Variants in CUL9 observed in about 807,000 individuals in gnomAD.
CUL9 encodes cullin 9, also known as cullin-9.
In CUL9, 79 loss-of-function variants were observed where a neutral mutation model predicts 272.6. The observed-to-expected ratio is 0.29, with a 90% CI of 0.24 to 0.35. The LOEUF (loss-of-function observed/expected upper bound fraction) is 0.35, where lower values mean the gene tolerates loss of function less well. CUL9 is among the 10% of genes least tolerant of loss of function. CUL9 has a pLI of 1.00. For missense variants in CUL9, 2,532 were observed against 3,255.6 expected, an observed-to-expected ratio of 0.78 and a Z score of 5.41; for synonymous variants, 1,186 against 1,286.5, an observed-to-expected ratio of 0.92 and a Z score of 1.67.
chr6:43,186,920 C>G (rs747950715), intron 4 of CUL9, 40 bp from the exon 5 acceptor site: 1 of 1,607,022 alleles, frequency 6.2e-7, no homozygotes, highest in Non-Finnish European at 8.5e-7. Flanking sequence ...GAGGGTTGAG[C>G]CTTCTCTATT....
chr6:43,196,676 C>G lies in CUL9; in HGVS notation c.2617C>G (p.Leu873Val), dbSNP rs765745493. The G allele has an allele frequency of 6.2e-7, 1 of 1,614,096 alleles. No homozygotes were observed. The highest frequency in any genetic ancestry group is 1.3e-5 in the African/African-American group (1 of 74,934). The change falls in exon 11 of 41, where the codon CTG becomes GTG. Residue 873 changes from leucine to valine, a missense_variant. By Grantham distance (32) the Leu-to-Val change is conservative. Coordinates refer to ENST00000252050, the MANE Select transcript of CUL9 (RefSeq NM_015089.4). ...CSSAARNGLL[L>V]LNLLLCNHHT... ...TTCTGCAGCGAGAAATGGCTTACTC[C>G]TGCTCAACCTACTTTTGTGCAACCA...
chr6:43,188,415 C>G (rs1773119270), intron 7 of CUL9, 108 bp from the exon 8 acceptor site: 1 of 1,107,332 alleles, frequency 9.0e-7, no homozygotes, highest in Admixed American at 2.7e-5. Flanking sequence ...GCTGCAGTAG[C>G]CGATAATGTG....
chr6:43,198,604 T>A lies in CUL9; in HGVS notation c.2804-5T>A. ...CATTTTTCCCTCTGGTGTGTCTGGC[T>A]GCAGCACTAGAGACCCCCATCATCC... On this transcript the variant is annotated splice_region_variant and splice_polypyrimidine_tract_variant and intron_variant, in intron 11 of 40. Coordinates refer to ENST00000252050, the MANE Select transcript of CUL9 (RefSeq NM_015089.4). 2 of 1,614,032 alleles carry A rather than the reference T, an allele frequency of 1.2e-6. No individual in the cohort carries two copies. Among genetic ancestry groups the A allele is most frequent in the Non-Finnish European group, 1.7e-6 (2 of 1,179,900 alleles).
intron 9 of CUL9, 54 bp from the exon 10 acceptor site, chr6:43,196,015 T>C (rs1386994239): frequency 2.0e-5 from 30 of 1,494,162 alleles, no homozygotes; most frequent in Non-Finnish European, 2.3e-5. Flanking sequence ...AGGCCTACCT[T>C]TCCTCATGGT....
At chr6:43,186,938 C>T in intron 4 of CUL9, 22 bp from the exon 5 acceptor site, 1 of 1,612,656 alleles carries the variant, frequency 6.2e-7, no homozygotes, top group African/African-American at 1.3e-5. Flanking sequence ...ATTCTGCTCT[C>T]TTTCTTCCTC....
chr6:43,182,467 G>T (rs940637039), intron 1 of CUL9, among the ~76,000 whole-genome samples: 1 of 143,310 alleles, frequency 7.0e-6, no homozygotes, highest in Non-Finnish European at 1.5e-5. Flanking sequence ...CCTCCCCACG[G>T]CTCTGCAAGC....
At chr6:43,189,130 C>T (rs1027255685) in intron 8 of CUL9, among the ~76,000 whole-genome samples, 58 of 139,324 alleles carry the variant, frequency 4.2e-4, no homozygotes, top group African/African-American at 1.7e-3. Flanking sequence ...TTTTCTGTCC[C>T]TACGTACTTT....
At chr6:43,202,330 T>C (rs1774669550) in intron 16 of CUL9, among the ~76,000 whole-genome samples, 1 of 152,164 alleles carries the variant, frequency 6.6e-6, no homozygotes, top group East Asian at 1.9e-4. Context: ...GAGAGTGGTC[T>C]GGGATAGAGA....
At position 43,199,825 on chromosome 6, in the gene CUL9, C is replaced by T. The variant is rs111518259; in HGVS notation, c.3157-104C>T. On this transcript the variant is annotated intron_variant, in intron 13 of 40. Transcript: ENST00000252050. This position sits in a 1 kb window ranked among gnomAD's most constrained non-coding sequence, Gnocchi z 4.4. ...TGTTTCCCTGGGCGTTGGCATGTCT[C>T]CACAATCTCAGCCACGACACTTCCT... 7.4e-6 allele frequency: 7 copies of T among 950,150 alleles called. No homozygotes were observed. The African/African-American group carries it at 9.7e-5, about 13-fold the overall frequency. The allele number at this position is 950,150 out of a possible 1,614,324, so 58.9% of individuals were successfully genotyped here.
In CUL9 at chr6:43,200,856, TG is replaced by T. The variant is rs764560736; in HGVS notation, c.3647+23del. 3 of 1,613,018 alleles carry T rather than the reference TG, an allele frequency of 1.9e-6. No homozygotes were observed. Among genetic ancestry groups the T allele is most frequent in the Non-Finnish European group, 2.5e-6 (3 of 1,179,026 alleles). On this transcript the variant is annotated intron_variant, in intron 16 of 40. Coordinates refer to ENST00000252050, the MANE Select transcript of CUL9 (RefSeq NM_015089.4). The surrounding 1 kb of genome is among the most constrained non-coding windows in gnomAD (Gnocchi z 4.0). The stretch of plus-strand genomic sequence containing the variant: ...TTAGGTGTGAACACACATATATGAA[TG>T]TTCTGCTGTGCCCCAGGATACTTCC...
Position 43,224,325 on chromosome 6 carries a change from G to A in CUL9, c.7434G>A (p.Gln2478=). Residue 2478 remains glutamine, a synonymous_variant, in exon 41 of 41, where the codon CAG becomes CAA. Transcript: ENST00000252050. This position sits in a 1 kb window ranked among gnomAD's most constrained non-coding sequence, Gnocchi z 4.2. ...AGGATGATGTGCCCGAGTGGCAGCA[G>A]GATGAGTTTGATGAGGAGCTGGACA... ...DDEDDVPEWQ[Q]DEFDEELDND... The A allele has an allele frequency of 6.2e-7, 1 of 1,614,214 alleles. No homozygotes were observed.
intron 11 of CUL9, chr6:43,198,273 CTG>C (rs1483390131): frequency 1.1e-5 from 11 of 984,928 alleles, no homozygotes; most frequent in Non-Finnish European, 1.3e-5. Context: ...ATCTTTTAGT[CTG>C]TGTACCTAAA....
At position 43,223,417 on chromosome 6, in the gene CUL9, C is replaced by A; in HGVS notation, c.7284+20C>A. On this transcript the variant is annotated intron_variant, in intron 39 of 40. Transcript: ENST00000252050. This position sits in a 1 kb window ranked among gnomAD's most constrained non-coding sequence, Gnocchi z 4.1. ...GCCCAGGTACTGCCCGGCCCAGACC[C>A]CTTCTGCTCCTGCATTCTGCGGGAG... 1 of 1,576,362 alleles carries A rather than the reference C, an allele frequency of 6.3e-7. No individual in the cohort carries two copies. Among genetic ancestry groups the A allele is most frequent in the South Asian group, 1.1e-5 (1 of 86,968 alleles).
rs796688465 is a variant in CUL9, at chr6:43,218,359, G to GGCGCCCGCCACC, written c.6282+1864_6282+1875dup. ...AGCCTCCCGAGTAGCTGGGACTATA[G>GGCGCCCGCCACC]GCGCCCGCCACCGCGCCCGGCTAAT... On this transcript the variant is annotated intron_variant, in intron 31 of 40. Transcript: ENST00000252050. The surrounding 1 kb of genome is among the most constrained non-coding windows in gnomAD (Gnocchi z 4.4). Among the ~76,000 whole-genome samples, 7 of 152,148 alleles carry GGCGCCCGCCACC rather than the reference G, an allele frequency of 4.6e-5. No individual in the cohort carries two copies. The highest frequency in any genetic ancestry group is 1.4e-4 in the African/African-American group (6 of 41,534).
At position 43,198,821 on chromosome 6, in the gene CUL9, G is replaced by A. The variant is rs781636671; in HGVS notation, c.3016G>A (p.Gly1006Arg). The A allele has an allele frequency of 3.1e-6, 5 of 1,613,738 alleles. No individual in the cohort carries two copies. The South Asian group carries it at 4.4e-5, about 14-fold the overall frequency. The change falls in exon 12 of 41, where the codon GGG (glycine) becomes AGG (arginine). Residue 1006 changes from glycine to arginine, a missense_variant. Gly to Arg is a moderately radical substitution (Grantham distance 125, BLOSUM62 -2). Transcript: ENST00000252050. ...LLLLRTLDAP[G>R]PNKTLLLSVL... ...GTTGCTGCGGACTCTGGATGCTCCG[G>A]GGCCCAACAAGACTCTGCTGCTGTC...
Position 43,199,777 on chromosome 6 carries a change from C to T in CUL9, c.3157-152C>T, listed in dbSNP as rs1300575920. 1.5e-6 allele frequency: 1 copy of T among 658,992 alleles called. No homozygotes were observed. Among genetic ancestry groups the T allele is most frequent in the South Asian group, 1.8e-5 (1 of 55,376 alleles). The allele number at this position is 658,992 out of a possible 1,614,324, so 40.8% of individuals were successfully genotyped here. The stretch of plus-strand genomic sequence containing the variant: ...GGAGTCCCAGCACTCCTCTATTTTA[C>T]TCCACCCTGAATTTGGTACTCTTGT... On this transcript the variant is annotated intron_variant, in intron 13 of 40. Coordinates refer to ENST00000252050, the MANE Select transcript of CUL9 (RefSeq NM_015089.4). This position sits in a 1 kb window ranked among gnomAD's most constrained non-coding sequence, Gnocchi z 4.4.
At chr6:43,198,127 G>T (rs1774181425) in intron 11 of CUL9, 1 of 245,742 alleles carries the variant, frequency 4.1e-6, no homozygotes, top group African/African-American at 2.3e-5. Context: ...TGTAATCCCA[G>T]CTACTTGGGA....
Position 43,213,638 on chromosome 6 carries a change from G to A in CUL9, c.5488+71G>A. On this transcript the variant is annotated intron_variant, in intron 28 of 40. Coordinates refer to ENST00000252050, the MANE Select transcript of CUL9 (RefSeq NM_015089.4). The surrounding 1 kb of genome is among the most constrained non-coding windows in gnomAD (Gnocchi z 5.7). ...GTCGCCCTCAAGATGGGGGGACTGTGAGAATGGGGTCATCTTAGTCCCCAT... is the reference window on the plus strand; with the variant it reads ...GTCGCCCTCAAGATGGGGGGACTGTAAGAATGGGGTCATCTTAGTCCCCAT... 1 of 1,604,578 alleles carries A rather than the reference G, an allele frequency of 6.2e-7. No individual in the cohort carries two copies. The highest frequency in any genetic ancestry group is 8.5e-7 in the Non-Finnish European group (1 of 1,174,614).
At chr6:43,192,873 G>A (rs1296282231) in intron 8 of CUL9, 128 bp from the exon 9 acceptor site, 1 of 749,826 alleles carries the variant, frequency 1.3e-6, no homozygotes, top group Non-Finnish European at 2.3e-6. Flanking sequence ...GAGCAGGTTT[G>A]GGTGGGGCAG....
Sources: allele counts gnomAD v4.1 joint callset (sites outside exome capture counted in the v4.1 genomes callset), GRCh38; gene constraint gnomAD v4.1.1; non-coding constraint Gnocchi (gnomAD v3.1); transcripts MANE v1.5; gene names NCBI Gene and HGNC (gene_info 2026-07-23, HGNC 2026-07-21).